Variants in PPP2R2C observed in about 807,000 individuals in gnomAD.
The protein encoded by PPP2R2C is protein phosphatase 2 regulatory subunit Bgamma.
PPP2R2C carries 10 observed loss-of-function variants against 45.3 expected under a neutral mutation model. The observed-to-expected ratio is 0.22, with a 90% CI of 0.14 to 0.37. The LOEUF (loss-of-function observed/expected upper bound fraction) is 0.37. Ranked by LOEUF, PPP2R2C falls within the 10% of genes least tolerant of loss-of-function variation. PPP2R2C has a pLI of 1.00. For synonymous variants in PPP2R2C, 257 were observed against 245.4 expected, an observed-to-expected ratio of 1.05 and a Z score of -0.44; for missense variants, 308 against 619.7, an observed-to-expected ratio of 0.50 and a Z score of 5.34.
At chr4:6,547,436 A>T (rs1725022008) in intron 1 of PPP2R2C, among the ~76,000 whole-genome samples, 1 of 151,064 alleles carries the variant, frequency 6.6e-6, no homozygotes, top group African/African-American at 2.4e-5. Flanking sequence ...CTCACTGGTC[A>T]CCCTGTGCTC....
chr4:6,410,849 A>C (rs1445559269), intron 1 of PPP2R2C, among the ~76,000 whole-genome samples: 5 of 133,468 alleles, frequency 3.7e-5, no homozygotes, highest in African/African-American at 1.4e-4. Flanking sequence ...TGTTTTATTT[A>C]TTTATTTATT....
intron 1 of PPP2R2C, among the ~76,000 whole-genome samples, chr4:6,544,554 C>G (rs1724914049): frequency 6.6e-6 from 1 of 152,132 alleles, no homozygotes; most frequent in South Asian, 2.1e-4. Flanking sequence ...CCAGGCTGGT[C>G]TCTAACTCCT....
chr4:6,350,743 A>C, intron 5 of PPP2R2C: 1 of 985,300 alleles, frequency 1.0e-6, no homozygotes, highest in South Asian at 4.7e-5. Flanking sequence ...CAATGAATAG[A>C]CAAGTGAGGC....
intron 1 of PPP2R2C, chr4:6,382,207 G>A (rs759939992): frequency 8.3e-7 from 1 of 1,202,682 alleles, no homozygotes; most frequent in Non-Finnish European, 1.1e-6. Context: ...CATCCCCATA[G>A]GCCCAAGCAG....
At chr4:6,511,782 G>A (rs201705796) in intron 2 of PPP2R2C, among the ~76,000 whole-genome samples, 772 of 59,056 alleles carry the variant, frequency 0.013, 36 homozygotes, top group African/African-American at 0.037. Context: ...TGGTGGTAAT[G>A]GTGGTGGTGA....
intron 1 of PPP2R2C, among the ~76,000 whole-genome samples, chr4:6,535,947 C>T (rs550866884): frequency 1.9e-4 from 29 of 152,330 alleles, no homozygotes; most frequent in African/African-American, 7.0e-4. Context: ...CAACACCCCA[C>T]GCTGCAGTCC....
intron 6 of PPP2R2C, among the ~76,000 whole-genome samples, chr4:6,339,465 C>G (rs1388025777): frequency 6.6e-6 from 1 of 152,254 alleles, no homozygotes; most frequent in African/African-American, 2.4e-5. Context: ...AGAGAAGCCT[C>G]AGCCAGCCTG....
intron 6 of PPP2R2C, among the ~76,000 whole-genome samples, chr4:6,338,118 G>T (rs574561532): frequency 6.6e-6 from 1 of 151,892 alleles, no homozygotes. Flanking sequence ...TGACTGAATC[G>T]CTAAGGACAT....
rs1731615116 is a variant in PPP2R2C at position 6,322,526 on chromosome 4, G to A, written c.*776C>T. ...CGGCAGGGAGGGCTGCAGAGGGTAA[G>A]TCAACTGCCTCTAGGGCTGAGCACC... is the stretch of plus-strand genomic sequence containing the variant. On this transcript the variant is annotated 3_prime_UTR_variant, in exon 9 of 9. Transcript: ENST00000382599. This position sits in a 1 kb window ranked among gnomAD's most constrained non-coding sequence, Gnocchi z 7.8. 1 of 152,240 alleles carries A rather than the reference G, an allele frequency of 6.6e-6. No homozygotes were observed. The highest frequency in any genetic ancestry group is 1.5e-5 in the Non-Finnish European group (1 of 68,116). 9.4% of individuals were successfully genotyped at this position (152,240 alleles called of 1,614,324 possible).
chr4:6,351,527 A>G (rs1712555955), intron 5 of PPP2R2C, among the ~76,000 whole-genome samples: 1 of 152,100 alleles, frequency 6.6e-6, no homozygotes, highest in East Asian at 1.9e-4. Flanking sequence ...AAAGTCTCCC[A>G]AACCTGGGTC....
At chr4:6,348,263 C>T (rs1191472227) in intron 5 of PPP2R2C, among the ~76,000 whole-genome samples, 1 of 151,888 alleles carries the variant, frequency 6.6e-6, no homozygotes, top group South Asian at 2.1e-4. Context: ...TCCTGACCTG[C>T]GGCCCCCCTC....
intron 1 of PPP2R2C, among the ~76,000 whole-genome samples, chr4:6,390,599 C>T (rs912636427): frequency 6.6e-5 from 10 of 152,306 alleles, no homozygotes; most frequent in South Asian, 2.1e-4. Context: ...AGACTGTTGC[C>T]GGGACTGGAC....
At chr4:6,412,656 T>A (rs943377576) in intron 1 of PPP2R2C, among the ~76,000 whole-genome samples, 1 of 152,156 alleles carries the variant, frequency 6.6e-6, no homozygotes, top group Non-Finnish European at 1.5e-5. Context: ...AGCACCCTCA[T>A]TTGCAGCCCT....
Position 6,448,464 on chromosome 4 carries a change from C to A in PPP2R2C, c.70+23696G>T, listed in dbSNP as rs149236078. On this transcript the variant is annotated intron_variant, in intron 1 of 8. Transcript: ENST00000382599. The stretch of plus-strand genomic sequence containing the variant: ...CTGCCCCCACCAGGGCCGGCCCCAC[C>A]TCCAGAGAGTTCCAAGCGGCTCCCA... 9.2e-3 allele frequency among the ~76,000 whole-genome samples: 1,400 copies of A among 152,258 alleles called. 16 individuals are homozygous for A. Among genetic ancestry groups the A allele is most frequent in the African/African-American group, 0.032 (1,309 of 41,550 alleles).
At chr4:6,361,615 C>T (rs1713738095) in intron 5 of PPP2R2C, among the ~76,000 whole-genome samples, 1 of 152,250 alleles carries the variant, frequency 6.6e-6, no homozygotes, top group Admixed American at 6.5e-5. Context: ...CAGAGTCTTT[C>T]TCTCCCTCTG....
upstream of PPP2R2C, among the ~76,000 whole-genome samples, chr4:6,474,114 G>T (rs1318216323): frequency 6.6e-6 from 1 of 151,988 alleles, no homozygotes; most frequent in Non-Finnish European, 1.5e-5. Flanking sequence ...TTTCTACCCC[G>T]TAGGAAAGTG....
chr4:6,528,715 T>G (rs1432697732), intron 2 of PPP2R2C, among the ~76,000 whole-genome samples: 1 of 152,144 alleles, frequency 6.6e-6, no homozygotes, highest in Non-Finnish European at 1.5e-5. Context: ...ACAAAAGAAG[T>G]GAAAATGGCC....
chr4:6,429,909 T>A (rs1331319462), intron 1 of PPP2R2C, among the ~76,000 whole-genome samples: 1 of 150,874 alleles, frequency 6.6e-6, no homozygotes, highest in African/African-American at 2.4e-5. Context: ...GGGAAGGAGG[T>A]CTATTGAAAG....
intron 2 of PPP2R2C, among the ~76,000 whole-genome samples, chr4:6,525,412 G>GTAAA (rs57107907): frequency 0.49 from 72,921 of 149,232 alleles, 18,770 homozygotes; most frequent in Non-Finnish European, 0.57. Context: ...CTCAAAATAA[G>GTAAA]TAAATAAATA....
Sources: allele counts gnomAD v4.1 joint callset (sites outside exome capture counted in the v4.1 genomes callset), GRCh38; gene constraint gnomAD v4.1.1; non-coding constraint Gnocchi (gnomAD v3.1); transcripts MANE v1.5; gene names NCBI Gene and HGNC (gene_info 2026-07-23, HGNC 2026-07-21).